Variants in DGKG observed in about 807,000 individuals in gnomAD.
The protein encoded by DGKG is DAG kinase gamma.
Under a neutral mutation model 105.3 loss-of-function variants are expected in DGKG, and 78 were observed. The ratio of observed to expected loss-of-function variants is 0.74; its 90% CI spans 0.62 to 0.89. The LOEUF is 0.89. DGKG is among the 40% of genes least tolerant of loss of function. The probability of loss-of-function intolerance (pLI) is 0.00; values close to 1 mark genes in which losing one functional copy is unlikely to be tolerated. For missense variants in DGKG, 958 were observed against 1,020.1 expected, an observed-to-expected ratio of 0.94 and a Z score of 0.83; for synonymous variants, 346 against 367.1, an observed-to-expected ratio of 0.94 and a Z score of 0.66.
intron 21 of DGKG, among the ~76,000 whole-genome samples, chr3:186,192,830 A>C (rs1048261826): frequency 6.6e-6 from 1 of 152,204 alleles, no homozygotes; most frequent in African/African-American, 2.4e-5. Flanking sequence ...GTTGGATATT[A>C]ATATTATTAT....
chr3:186,223,487 C>G (rs1344124823), intron 20 of DGKG, among the ~76,000 whole-genome samples: 1 of 152,116 alleles, frequency 6.6e-6, no homozygotes, highest in African/African-American at 2.4e-5. Flanking sequence ...TCGCTCCCTC[C>G]TTGTTTCCCT....
intron 6 of DGKG, among the ~76,000 whole-genome samples, chr3:186,287,177 TAA>T (rs904942953): frequency 1.3e-5 from 2 of 152,088 alleles, no homozygotes; most frequent in Non-Finnish European, 2.9e-5. Context: ...AACAAACAAT[TAA>T]AAATATCTAG....
chr3:186,167,324 T>C (rs1037499347), intron 22 of DGKG, among the ~76,000 whole-genome samples: 3 of 152,214 alleles, frequency 2.0e-5, no homozygotes, highest in Admixed American at 6.5e-5. Flanking sequence ...TCTTTCCTTC[T>C]ACTTCCTAGA....
chr3:186,196,655 A>G (rs571807887), intron 21 of DGKG, among the ~76,000 whole-genome samples: 1 of 152,354 alleles, frequency 6.6e-6, no homozygotes, highest in Admixed American at 6.5e-5. Flanking sequence ...GTAACTTTAT[A>G]AAGAGGAATT....
At chr3:186,249,862 C>A (rs966091753) in intron 19 of DGKG, among the ~76,000 whole-genome samples, 1 of 152,028 alleles carries the variant, frequency 6.6e-6, no homozygotes, top group African/African-American at 2.4e-5. Flanking sequence ...CAAAACAACA[C>A]CCTTTACTTA....
At position 186,260,519 on chromosome 3, in the gene DGKG, G is replaced by A. The variant is rs1721715854; in HGVS notation, c.1350-6C>T. ...AGTGGAATTTCCGAAGAATTCTATG[G>A]AAAAAAAAAGAAAAGGAGGGAGAGA... On this transcript the variant is annotated splice_region_variant and splice_polypyrimidine_tract_variant and intron_variant, in intron 15 of 24. Transcript: ENST00000265022. 4 of 1,574,222 alleles carry A rather than the reference G, an allele frequency of 2.5e-6. No homozygotes were observed. Among genetic ancestry groups the A allele is most frequent in the Non-Finnish European group, 2.6e-6 (3 of 1,151,202 alleles).
intron 22 of DGKG, among the ~76,000 whole-genome samples, chr3:186,182,371 T>G (rs1003433237): frequency 1.3e-5 from 2 of 152,184 alleles, no homozygotes; most frequent in African/African-American, 4.8e-5. Context: ...GGCACTCTGC[T>G]CAGTCCCTAC....
intron 3 of DGKG, among the ~76,000 whole-genome samples, chr3:186,300,469 TCTC>T (rs780091660): frequency 2.0e-5 from 3 of 152,226 alleles, no homozygotes; most frequent in Non-Finnish European, 4.4e-5. Context: ...CATTTCATCT[TCTC>T]TTCTTTTTAA....
At chr3:186,206,177 A>T (rs1443314227) in intron 21 of DGKG, among the ~76,000 whole-genome samples, 2 of 152,184 alleles carry the variant, frequency 1.3e-5, no homozygotes, top group African/African-American at 4.8e-5. Context: ...TGAGGTCAGG[A>T]GTTCGAGACC....
intron 1 of DGKG, among the ~76,000 whole-genome samples, chr3:186,346,526 G>A (rs111798234): frequency 0.015 from 2,280 of 152,016 alleles, 53 homozygotes; most frequent in African/African-American, 0.052. Flanking sequence ...TATAAACTTG[G>A]TGCTTGTCAA....
intron 12 of DGKG, among the ~76,000 whole-genome samples, chr3:186,268,471 G>A (rs1054543223): frequency 1.3e-5 from 2 of 152,222 alleles, no homozygotes; most frequent in Admixed American, 6.5e-5. Context: ...CACTCTGTCA[G>A]TGTCCCCGGC....
chr3:186,254,475 A>G (rs1417442162), intron 17 of DGKG, among the ~76,000 whole-genome samples: 1 of 152,126 alleles, frequency 6.6e-6, no homozygotes, highest in Non-Finnish European at 1.5e-5. Flanking sequence ...CCCTTTGCCT[A>G]GAAGGCTCTT....
At chr3:186,209,740 AC>A (rs1718934590) in intron 21 of DGKG, among the ~76,000 whole-genome samples, 1 of 151,328 alleles carries the variant, frequency 6.6e-6, no homozygotes, top group Admixed American at 6.6e-5. Context: ...TACACCTGTT[AC>A]CCCCATGCCT....
At chr3:186,186,061 C>T (rs1458908450) in intron 22 of DGKG, among the ~76,000 whole-genome samples, 2 of 139,902 alleles carry the variant, frequency 1.4e-5, no homozygotes, top group East Asian at 2.1e-4. Context: ...TGTGCCACTG[C>T]ACTCTAGCCT....
chr3:186,223,077 T>C (rs958105735), intron 20 of DGKG, among the ~76,000 whole-genome samples: 2 of 134,186 alleles, frequency 1.5e-5, no homozygotes, highest in African/African-American at 5.2e-5. Flanking sequence ...TAGAACTCCA[T>C]TGTTGTATAT....
At chr3:186,302,219 A>G (rs1237167671) in intron 3 of DGKG, among the ~76,000 whole-genome samples, 1 of 151,996 alleles carries the variant, frequency 6.6e-6, no homozygotes. Context: ...TCCTGGAAGT[A>G]GTGAGAATGT....
intron 2 of DGKG, among the ~76,000 whole-genome samples, chr3:186,315,016 C>T (rs1168765010): frequency 3.3e-5 from 5 of 152,194 alleles, no homozygotes; most frequent in East Asian, 1.9e-4. Flanking sequence ...GGTCAGTAGG[C>T]GGCATCCCCA....
intron 6 of DGKG, 98 bp downstream of exon 6, chr3:186,288,612 A>T: frequency 1.5e-6 from 2 of 1,310,930 alleles, no homozygotes; most frequent in Non-Finnish European, 1.1e-6. Flanking sequence ...CATATCCGTG[A>T]TATCAACTCA....
chr3:186,174,620 T>A (rs957670357), intron 22 of DGKG, among the ~76,000 whole-genome samples: 4 of 151,830 alleles, frequency 2.6e-5, no homozygotes, highest in African/African-American at 9.7e-5. Flanking sequence ...CACCCTTTTA[T>A]CTGAAAATGA....
Sources: gnomAD v4.1 joint callset for allele counts (sites outside exome capture counted in the v4.1 genomes callset) on GRCh38, gnomAD v4.1.1 for gene constraint, MANE v1.5 for transcripts, NCBI Gene and HGNC (gene_info 2026-07-23, HGNC 2026-07-21) for gene names.